The following ETV5 variants were observed in gnomAD, a reference collection of about 807,000 sequenced individuals.
ETV5 encodes ETS variant transcription factor 5, also known as ETS translocation variant 5.
Under a neutral mutation model 70.0 loss-of-function variants are expected in ETV5, and 10 were observed. That is an observed-to-expected ratio of 0.14 (90% CI 0.09 to 0.24). The LOEUF (loss-of-function observed/expected upper bound fraction) is 0.24, where lower values mean the gene tolerates loss of function less well. ETV5 is among the 10% of genes least tolerant of loss of function. ETV5 has a pLI of 1.00. For synonymous variants in ETV5, 216 were observed against 242.2 expected, an observed-to-expected ratio of 0.89 and a Z score of 1.01; for missense variants, 453 against 651.2, an observed-to-expected ratio of 0.70 and a Z score of 3.31.
chr3:186,097,041 G>A lies in ETV5; in HGVS notation c.232+8264C>T, dbSNP rs761518558. Among the ~76,000 whole-genome samples the A allele has an allele frequency of 3.9e-4, 60 of 152,104 alleles. 1 individual carries two copies. Among genetic ancestry groups the A allele is most frequent in the Non-Finnish European group, 6.6e-4 (45 of 68,032 alleles). On this transcript the variant is annotated intron_variant, in intron 5 of 12. Coordinates refer to ENST00000306376, the MANE Select transcript of ETV5 (RefSeq NM_004454.3). ...CCAATTAATCAATCAATCAATCAAGGCTGGATGCTATTTTGAGGCACGTGC... is the reference window on the plus strand; with the variant it reads ...CCAATTAATCAATCAATCAATCAAGACTGGATGCTATTTTGAGGCACGTGC...
intron 7 of ETV5, among the ~76,000 whole-genome samples, chr3:186,069,206 G>GA (rs1385530537): frequency 6.6e-6 from 1 of 152,150 alleles, no homozygotes; most frequent in African/African-American, 2.4e-5. Flanking sequence ...TTTATAATAT[G>GA]AAAACTACTG....
chr3:186,079,274 T>C (rs1278757993), intron 7 of ETV5: 2 of 238,748 alleles, frequency 8.4e-6, no homozygotes, highest in African/African-American at 4.4e-5. Context: ...TCAATGCCTG[T>C]AGAAATGTAA....
Position 186,054,829 on chromosome 3 carries a change from T to A in ETV5, c.1209+2246A>T, listed in dbSNP as rs1450734365. Among the ~76,000 whole-genome samples the A allele has an allele frequency of 3.9e-5, 6 of 152,094 alleles. No homozygotes were observed. Among genetic ancestry groups the A allele is most frequent in the Non-Finnish European group, 7.4e-5 (5 of 68,022 alleles). ...GGAGGGGTGGGGGGAGCTCAGCAAA[T>A]GTCACCTGTCCTGAGGCTAACGTGC... On this transcript the variant is annotated intron_variant, in intron 11 of 12. Coordinates refer to ENST00000306376, the MANE Select transcript of ETV5 (RefSeq NM_004454.3). This position sits in a 1 kb window ranked among gnomAD's most constrained non-coding sequence, Gnocchi z 4.4.
At position 186,048,421 on chromosome 3, in the gene ETV5, C is replaced by T; in HGVS notation, c.*218G>A. On this transcript the variant is annotated 3_prime_UTR_variant, in exon 13 of 13. Transcript: ENST00000306376. ...ACCTCATCAGAATCAAGAGTTGAGG[C>T]ACTGGCCTTTTGGTGGTTTTCTGCC... The T allele has an allele frequency of 1.8e-6, 1 of 569,892 alleles. No individual in the cohort carries two copies. Among genetic ancestry groups the T allele is most frequent in the East Asian group, 2.9e-5 (1 of 33,940 alleles). 35.3% of individuals were successfully genotyped at this position (569,892 alleles called of 1,614,324 possible).
intron 7 of ETV5, among the ~76,000 whole-genome samples, chr3:186,073,061 G>A (rs534628973): frequency 2.0e-4 from 31 of 152,180 alleles, no homozygotes; most frequent in Non-Finnish European, 3.4e-4. Flanking sequence ...GAACTCGGGA[G>A]GGGGAGGTTT....
chr3:186,072,060 A>G lies in ETV5; in HGVS notation c.651-5988T>C, dbSNP rs1000403599. Among the ~76,000 whole-genome samples the G allele has an allele frequency of 1.4e-4, 21 of 148,172 alleles. 1 individual carries two copies. Among genetic ancestry groups the G allele is most frequent in the African/African-American group, 4.7e-4 (19 of 40,732 alleles). Reference sequence around the variant, plus strand: ...AGTGATCCACACACCTCAGCCTCCCAAAGTGCTAGGATTACAGGCGTCAGC... The same window carrying G: ...AGTGATCCACACACCTCAGCCTCCCGAAGTGCTAGGATTACAGGCGTCAGC... On this transcript the variant is annotated intron_variant, in intron 7 of 12. Coordinates refer to ENST00000306376, the MANE Select transcript of ETV5 (RefSeq NM_004454.3).
intron 7 of ETV5, among the ~76,000 whole-genome samples, chr3:186,074,538 C>T (rs1302333110): frequency 6.6e-6 from 1 of 152,116 alleles, no homozygotes; most frequent in East Asian, 1.9e-4. Flanking sequence ...TGTACTTTCT[C>T]AATCATGAAG....
In ETV5 at chr3:186,068,826, A is replaced by G. The variant is rs566686757; in HGVS notation, c.651-2754T>C. 2.0e-5 allele frequency among the ~76,000 whole-genome samples: 3 copies of G among 152,362 alleles called. No homozygotes were observed. In the East Asian group the frequency reaches 5.8e-4, roughly 29 times the overall value. ...CTGGAGATGTGTGAACTCTCAGTCC[A>G]TGAAACAGACAGGAAGCACTAATCT... is the stretch of plus-strand genomic sequence containing the variant. On this transcript the variant is annotated intron_variant, in intron 7 of 12. Coordinates refer to ENST00000306376, the MANE Select transcript of ETV5 (RefSeq NM_004454.3).
intron 5 of ETV5, among the ~76,000 whole-genome samples, chr3:186,098,566 A>G (rs1345677049): frequency 2.6e-5 from 4 of 152,170 alleles, no homozygotes; most frequent in African/African-American, 4.8e-5. Flanking sequence ...TGAGACATCA[A>G]AAGGGAAGAA....
chr3:186,079,401 G>A, intron 7 of ETV5: 1 of 239,202 alleles, frequency 4.2e-6, no homozygotes, highest in Non-Finnish European at 8.1e-6. Context: ...ATATTACCTT[G>A]TATAAATCAG....
At chr3:186,096,109 A>C (rs1334962842) in intron 5 of ETV5, among the ~76,000 whole-genome samples, 1 of 152,238 alleles carries the variant, frequency 6.6e-6, no homozygotes, top group Non-Finnish European at 1.5e-5. Context: ...CCAAAACCCT[A>C]TGCTGTTTCC....
chr3:186,079,327 A>C (rs1373573254), intron 7 of ETV5: 1 of 229,932 alleles, frequency 4.3e-6, no homozygotes, highest in African/African-American at 2.2e-5. Context: ...TTTCAAAAGC[A>C]GATGTACAAA....
intron 5 of ETV5, among the ~76,000 whole-genome samples, chr3:186,101,552 AGAAG>A: frequency 6.6e-6 from 1 of 152,334 alleles, no homozygotes; most frequent in East Asian, 1.9e-4. Context: ...TCAGGATCAT[AGAAG>A]GAAGAGAAGT....
At chr3:186,108,003 GAAAA>G (rs555425032) in intron 1 of ETV5, among the ~76,000 whole-genome samples, 5 of 131,760 alleles carry the variant, frequency 3.8e-5, no homozygotes, top group East Asian at 2.4e-4. Flanking sequence ...AAAAAGGGAA[GAAAA>G]AAAAAAAAGC....
chr3:186,102,405 G>T (rs1412376182), intron 5 of ETV5, among the ~76,000 whole-genome samples: 3 of 152,060 alleles, frequency 2.0e-5, no homozygotes, highest in Non-Finnish European at 2.9e-5. Flanking sequence ...GGCTAAGGTG[G>T]GCGGATCACC....
At chr3:186,091,702 T>TG (rs1224835531) in intron 5 of ETV5, among the ~76,000 whole-genome samples, 4 of 152,148 alleles carry the variant, frequency 2.6e-5, no homozygotes, top group Non-Finnish European at 5.9e-5. Context: ...CCTAGAAACT[T>TG]GGGGTAATAC....
At chr3:186,064,214 A>G (rs1713379526) in intron 9 of ETV5, 1 of 597,350 alleles carries the variant, frequency 1.7e-6, no homozygotes, top group African/African-American at 1.9e-5. Context: ...GATTACAATC[A>G]ATCAGCTCTC....
intron 5 of ETV5, among the ~76,000 whole-genome samples, chr3:186,097,981 T>C (rs932633656): frequency 1.3e-5 from 2 of 152,238 alleles, no homozygotes; most frequent in Non-Finnish European, 2.9e-5. Flanking sequence ...TCTGCAGCTC[T>C]GCTAGCTGGG....
At chr3:186,086,197 A>G (rs1415075951) in intron 5 of ETV5, among the ~76,000 whole-genome samples, 3 of 152,244 alleles carry the variant, frequency 2.0e-5, no homozygotes, top group Non-Finnish European at 4.4e-5. Flanking sequence ...TTAGCTGATA[A>G]GATGTAATTA....
Sources: allele counts gnomAD v4.1 joint callset (sites outside exome capture counted in the v4.1 genomes callset), GRCh38; gene constraint gnomAD v4.1.1; non-coding constraint Gnocchi (gnomAD v3.1); transcripts MANE v1.5; gene names NCBI Gene and HGNC (gene_info 2026-07-23, HGNC 2026-07-21).